Variants in KANTR observed in about 807,000 individuals in gnomAD.
KANTR encodes the protein KANTR integral membrane protein.
downstream of KANTR, among the ~76,000 whole-genome samples, chrX:53,128,935 T>G (rs5978167): frequency 0.028 from 3,126 of 111,095 alleles, 46 homozygotes; most frequent in Admixed American, 0.061. Flanking sequence ...TGTTCCTCCC[T>G]TATTAAGGAT....
chrX:53,097,133 T>G (rs1310909003), intron 1 of KANTR, among the ~76,000 whole-genome samples: 3 of 109,946 alleles, frequency 2.7e-5, no homozygotes, highest in African/African-American at 9.9e-5. Context: ...AAAAATGCCC[T>G]GAAACACCCT....
At chrX:53,101,756 G>T (rs1196623601) in intron 2 of KANTR, among the ~76,000 whole-genome samples, 1 of 112,092 alleles carries the variant, frequency 8.9e-6, no homozygotes, top group African/African-American at 3.2e-5. Flanking sequence ...CCAGCACTTT[G>T]GGAGGCCGAG....
intron 1 of KANTR, among the ~76,000 whole-genome samples, chrX:53,097,542 A>G (rs1556811128): frequency 1.9e-5 from 2 of 103,115 alleles, no homozygotes; most frequent in African/African-American, 3.5e-5. Context: ...TAGCAGAGAC[A>G]GGGTTTCACC....
intron 2 of KANTR, among the ~76,000 whole-genome samples, chrX:53,110,942 A>T (rs1456329603): frequency 9.1e-6 from 1 of 109,469 alleles, no homozygotes; most frequent in African/African-American, 3.3e-5. Context: ...AAGAGTTTGG[A>T]AGTATGCCTT....
intron 2 of KANTR, chrX:53,113,303 G>C: frequency 7.2e-6 from 1 of 139,267 alleles, no homozygotes; most frequent in Non-Finnish European, 1.4e-5. Flanking sequence ...AACCAACCAA[G>C]CCTATAGCAG....
chrX:53,114,459 G>A (rs1443618967), intron 2 of KANTR, among the ~76,000 whole-genome samples: 1 of 112,774 alleles, frequency 8.9e-6, no homozygotes, highest in Non-Finnish European at 1.9e-5. Flanking sequence ...CCCCTCACCA[G>A]TCAGCCTGTC....
At chrX:53,123,068 T>C (rs1933247190) in intron 2 of KANTR, among the ~76,000 whole-genome samples, 1 of 112,014 alleles carries the variant, frequency 8.9e-6, no homozygotes, top group Non-Finnish European at 1.9e-5. Flanking sequence ...AGTGTTAAAC[T>C]TATAAATTAA....
At chrX:53,127,960 A>G (rs1556816397), downstream of KANTR, among the ~76,000 whole-genome samples, 1 of 111,168 alleles carries the variant, frequency 9.0e-6, no homozygotes. Flanking sequence ...TGTTATTATA[A>G]TGGGAGATAC....
At chrX:53,106,648 C>T (rs1169259230) in intron 2 of KANTR, among the ~76,000 whole-genome samples, 1 of 109,812 alleles carries the variant, frequency 9.1e-6, no homozygotes, top group Non-Finnish European at 1.9e-5. Flanking sequence ...GTGATCCTCT[C>T]ACCTCAGCCT....
chrX:53,096,236 A>G (rs1248828887), intron 1 of KANTR, among the ~76,000 whole-genome samples: 3 of 112,032 alleles, frequency 2.7e-5, no homozygotes, highest in African/African-American at 9.7e-5. Flanking sequence ...CCACTCAATT[A>G]TAAGCTCCAG....
At chrX:53,094,391 C>T (rs1175204817) in intron 1 of KANTR, 107 bp downstream of exon 1, 1 of 112,268 alleles carries the variant, frequency 8.9e-6, no homozygotes, top group Non-Finnish European at 1.9e-5. Context: ...GGCGGCCTCT[C>T]AACCCTAGGT....
intron 1 of KANTR, among the ~76,000 whole-genome samples, chrX:53,097,438 C>A (rs1229817629): frequency 2.2e-5 from 2 of 91,634 alleles, no homozygotes; most frequent in Non-Finnish European, 4.2e-5. Flanking sequence ...CTGAAGCCTC[C>A]GCCTCCCAGG....
chrX:53,121,134 G>T (rs998121830), intron 2 of KANTR, among the ~76,000 whole-genome samples: 5 of 109,326 alleles, frequency 4.6e-5, no homozygotes, highest in African/African-American at 1.7e-4. Context: ...GAGTAGTTGG[G>T]ATTACAGGCT....
chrX:53,114,157 G>C (rs781810960), intron 2 of KANTR, among the ~76,000 whole-genome samples: 28 of 110,725 alleles, frequency 2.5e-4, no homozygotes, highest in African/African-American at 9.2e-4. Context: ...TGCCTGCCTC[G>C]GCCTCCCAAG....
intron 2 of KANTR, among the ~76,000 whole-genome samples, chrX:53,122,960 T>C (rs1556815720): frequency 1.8e-5 from 2 of 112,194 alleles, no homozygotes; most frequent in Non-Finnish European, 3.8e-5. Context: ...CCCTCTTTTA[T>C]AATATTCTGG....
chrX:53,123,150 A>G (rs910963896), intron 2 of KANTR, among the ~76,000 whole-genome samples: 1 of 110,239 alleles, frequency 9.1e-6, no homozygotes, highest in Admixed American at 9.7e-5. Context: ...TTATGCTTGA[A>G]ATGGCTACAC....
At chrX:53,141,038 A>G (rs1166663479) in intron 2 of KANTR, among the ~76,000 whole-genome samples, 2 of 111,539 alleles carry the variant, frequency 1.8e-5, no homozygotes, top group Non-Finnish European at 3.8e-5. Flanking sequence ...GTGCATGCCT[A>G]TAATCCTAGC....
At chrX:53,134,233 G>A (rs1933393508) in intron 2 of KANTR, among the ~76,000 whole-genome samples, 1 of 110,930 alleles carries the variant, frequency 9.0e-6, no homozygotes, top group Non-Finnish European at 1.9e-5. Flanking sequence ...GTGGTGGCAT[G>A]TGCCTGTAAT....
chrX:53,127,887 G>A (rs1933308254), downstream of KANTR, among the ~76,000 whole-genome samples: 2 of 111,608 alleles, frequency 1.8e-5, no homozygotes, highest in South Asian at 7.6e-4. Context: ...GTGGTACTTG[G>A]TGGTGGTAGG....
Sources: allele counts gnomAD v4.1 joint callset (sites outside exome capture counted in the v4.1 genomes callset), GRCh38; gene constraint gnomAD v4.1.1; transcripts MANE v1.5; gene names NCBI Gene and HGNC (gene_info 2026-07-23, HGNC 2026-07-21).